Variants in GGT7 observed in about 807,000 individuals in gnomAD.
The protein encoded by GGT7 is gamma-glutamyltransferase 7.
Under a neutral mutation model 69.2 loss-of-function variants are expected in GGT7, and 30 were observed. The ratio of observed to expected loss-of-function variants is 0.43; its 90% CI spans 0.32 to 0.59. The LOEUF is 0.59. GGT7 is among the 20% of genes least tolerant of loss of function. The probability of loss-of-function intolerance (pLI) is 0.05; values close to 1 mark genes in which losing one functional copy is unlikely to be tolerated. For missense variants in GGT7, 733 were observed against 901.1 expected, an observed-to-expected ratio of 0.81 and a Z score of 2.39; for synonymous variants, 388 against 391.8, an observed-to-expected ratio of 0.99 and a Z score of 0.12.
At chr20:34,855,038 A>G in intron 8 of GGT7, 115 bp from the exon 9 acceptor site, 1 of 951,106 alleles carries the variant, frequency 1.1e-6, no homozygotes, top group Non-Finnish European at 1.6e-6. Context: ...GAACTCCCTC[A>G]CCAGATGGGG....
chr20:34,859,820 C>T (rs931091927), intron 6 of GGT7, 149 bp downstream of exon 6: 22 of 771,308 alleles, frequency 2.9e-5, no homozygotes, highest in Admixed American at 7.1e-5. Context: ...CGTTTGAGGC[C>T]GCCTCCAGGT....
In GGT7 at chr20:34,863,257, C is replaced by T. The variant is rs75627267; in HGVS notation, c.405+56G>A. The T allele has an allele frequency of 0.051, 65,316 of 1,285,932 alleles. 1,906 individuals carry two copies. The highest frequency in any genetic ancestry group is 0.071 in the South Asian group (5,249 of 74,430). 79.7% of individuals were successfully genotyped at this position (1,285,932 alleles called of 1,614,324 possible). Reference sequence around the variant, plus strand: ...TCCCCAGTTTCCACAGTTCCTCAAACATTACCCCACTCCCCACTCCCCAGT... The same window carrying T: ...TCCCCAGTTTCCACAGTTCCTCAAATATTACCCCACTCCCCACTCCCCAGT... On this transcript the variant is annotated intron_variant, in intron 2 of 14. Coordinates refer to ENST00000336431, the MANE Select transcript of GGT7 (RefSeq NM_178026.3). This position sits in a 1 kb window ranked among gnomAD's most constrained non-coding sequence, Gnocchi z 4.4.
At chr20:34,849,871 G>T in intron 14 of GGT7, 90 bp downstream of exon 14, 1 of 679,182 alleles carries the variant, frequency 1.5e-6, no homozygotes, top group Non-Finnish European at 2.5e-6. Flanking sequence ...ACTGGCAGTT[G>T]GTGCTGGTTG....
chr20:34,851,394 A>G (rs761408666), intron 12 of GGT7, 26 bp from the exon 13 acceptor site: 3 of 1,598,108 alleles, frequency 1.9e-6, no homozygotes, highest in Admixed American at 1.7e-5. Context: ...AGAGACCACA[A>G]GGGGCAGGTG....
At chr20:34,848,943 A>G (rs1356764385) in intron 14 of GGT7, among the ~76,000 whole-genome samples, 1 of 152,216 alleles carries the variant, frequency 6.6e-6, no homozygotes, top group Non-Finnish European at 1.5e-5. Context: ...AGCTGTGCCA[A>G]AATTAAGCCC....
chr20:34,867,304 T>C (rs188492115), intron 1 of GGT7, among the ~76,000 whole-genome samples: 65 of 152,364 alleles, frequency 4.3e-4, no homozygotes, highest in South Asian at 2.9e-3. Context: ...GCATTTTACA[T>C]ATATTCCTTT....
At chr20:34,851,586 C>T (rs2079393917) in intron 12 of GGT7, among the ~76,000 whole-genome samples, 1 of 152,126 alleles carries the variant, frequency 6.6e-6, no homozygotes, top group South Asian at 2.1e-4. Flanking sequence ...TAAGTACATC[C>T]ACTGAGCTAT....
chr20:34,859,694 G>A (rs1035147682), intron 6 of GGT7, 55 bp from the exon 7 acceptor site: 6 of 1,407,790 alleles, frequency 4.3e-6, no homozygotes, highest in Non-Finnish European at 5.8e-6. Flanking sequence ...TGGACCGGAT[G>A]AGACGCGCAA....
chr20:34,854,508 C>A (rs765982044), intron 10 of GGT7, 23 bp downstream of exon 10: 1 of 1,482,342 alleles, frequency 6.7e-7, no homozygotes, highest in Non-Finnish European at 9.4e-7. Context: ...CTCTGTAGCC[C>A]CCAGGTCCTG....
At chr20:34,869,624 G>C (rs1454669700) in intron 1 of GGT7, among the ~76,000 whole-genome samples, 1 of 152,160 alleles carries the variant, frequency 6.6e-6, no homozygotes, top group African/African-American at 2.4e-5. Flanking sequence ...GTCTACAGTG[G>C]TGATGACAGG....
Position 34,872,811 on chromosome 20 carries a change from G to T in GGT7, c.5C>A (p.Ala2Glu), listed in dbSNP as rs2079803675. 1.5e-6 allele frequency: 2 copies of T among 1,343,222 alleles called. No homozygotes were observed. Among genetic ancestry groups the T allele is most frequent in the African/African-American group, 1.5e-5 (1 of 65,324 alleles). The allele number at this position is 1,343,222 out of a possible 1,614,324, so 83.2% of individuals were successfully genotyped here. Residue 2 changes from alanine to glutamate, a missense_variant, in exon 1 of 15, where the codon GCG becomes GAG. Coordinates refer to ENST00000336431, the MANE Select transcript of GGT7 (RefSeq NM_178026.3). Reference sequence around the variant, plus strand: ...CTCCTGGCTGGCCTCGTTCTCCGCCGCCATCCTCGCCCGCGCCCCCCAGCA... The same window carrying T: ...CTCCTGGCTGGCCTCGTTCTCCGCCTCCATCCTCGCCCGCGCCCCCCAGCA... M[A>E]AENEASQESA...
In GGT7 at chr20:34,863,780, C is replaced by T; in HGVS notation, c.170-232G>A. The T allele has an allele frequency of 1.4e-6, 1 of 705,080 alleles. No homozygotes were observed. The highest frequency in any genetic ancestry group is 2.6e-6 in the Non-Finnish European group (1 of 377,532). 43.7% of individuals were successfully genotyped at this position (705,080 alleles called of 1,614,324 possible). ...AGCTGGGCAGCAGGGAGGCTGGATT[C>T]CCGCCCCTCCCTGATACCTAGGCCA... On this transcript the variant is annotated intron_variant, in intron 1 of 14. Transcript: ENST00000336431. This position sits in a 1 kb window ranked among gnomAD's most constrained non-coding sequence, Gnocchi z 4.4.
In GGT7 at chr20:34,852,429, G is replaced by A. The variant is rs2079412335; in HGVS notation, c.1429C>T (p.Leu477=). The A allele has an allele frequency of 1.2e-6, 2 of 1,613,984 alleles. No homozygotes were observed. Among genetic ancestry groups the A allele is most frequent in the African/African-American group, 2.7e-5 (2 of 74,928 alleles). Residue 477 remains leucine (L), a synonymous_variant, in exon 11 of 15, where the codon CTG becomes TTG. Coordinates refer to ENST00000336431, the MANE Select transcript of GGT7 (RefSeq NM_178026.3). ...ATGAAGTCATCAGGTCCCATGATCA[G>A]CACCTGGGCAGCCGTGGGAGCTCCG... ...LDGAPTAAQV[L]IMGPDDFIVA...
intron 1 of GGT7, among the ~76,000 whole-genome samples, chr20:34,869,177 TAA>T: frequency 6.6e-6 from 1 of 151,434 alleles, no homozygotes; most frequent in African/African-American, 2.4e-5. Context: ...TATATATATA[TAA>T]AATTTTGAAA....
chr20:34,856,328 G>C (rs1041333623), intron 8 of GGT7, among the ~76,000 whole-genome samples: 2 of 152,142 alleles, frequency 1.3e-5, no homozygotes, highest in Non-Finnish European at 2.9e-5. Context: ...GTTCCCTGTT[G>C]GTTTTCTTGA....
chr20:34,866,054 A>C (rs929769428), intron 1 of GGT7, among the ~76,000 whole-genome samples: 1 of 152,238 alleles, frequency 6.6e-6, no homozygotes, highest in African/African-American at 2.4e-5. Context: ...ACTGATGCCA[A>C]CATAATAAAC....
rs1376779784 is a variant in GGT7, at chr20:34,862,161, G to A, written c.558-599C>T. On this transcript the variant is annotated intron_variant, in intron 3 of 14. Coordinates refer to ENST00000336431, the MANE Select transcript of GGT7 (RefSeq NM_178026.3). ...GAGAAGAGGAAGTGGTAGAAACTAC[G>A]GCAAACTGGACAGTGCATGCCCATC... Among the ~76,000 whole-genome samples the A allele has an allele frequency of 3.9e-5, 6 of 152,280 alleles. No homozygotes were observed. The South Asian group carries it at 6.2e-4, about 16-fold the overall frequency.
chr20:34,855,789 C>G (rs984773608), intron 8 of GGT7, among the ~76,000 whole-genome samples: 12 of 144,060 alleles, frequency 8.3e-5, no homozygotes, highest in East Asian at 2.0e-4. Flanking sequence ...TTTTTCTTTT[C>G]TGTGTGTGTG....
At chr20:34,848,750 A>G (rs1158416265) in intron 14 of GGT7, among the ~76,000 whole-genome samples, 1 of 152,194 alleles carries the variant, frequency 6.6e-6, no homozygotes, top group Admixed American at 6.5e-5. Context: ...TTGATCTTTG[A>G]CTAGTTTATA....
Sources: allele counts gnomAD v4.1 joint callset (sites outside exome capture counted in the v4.1 genomes callset), GRCh38; gene constraint gnomAD v4.1.1; non-coding constraint Gnocchi (gnomAD v3.1); transcripts MANE v1.5; gene names NCBI Gene and HGNC (gene_info 2026-07-23, HGNC 2026-07-21).